Variants in COL19A1 observed in about 807,000 individuals in gnomAD.
COL19A1 encodes collagen alpha-1(XIX) chain.
In COL19A1, 159 loss-of-function variants were observed where a neutral mutation model predicts 190.2. The ratio of observed to expected loss-of-function variants is 0.84; its 90% CI spans 0.73 to 0.95. COL19A1 has a LOEUF of 0.95. Ranked by LOEUF, COL19A1 falls within the 40% of genes least tolerant of loss-of-function variation. The pLI, the probability that COL19A1 is intolerant of heterozygous loss-of-function variation, is 0.00. For synonymous variants in COL19A1, 509 were observed against 458.9 expected (o/e 1.11, Z -1.39); for missense variants, 1,418 against 1,431.9 (o/e 0.99, Z 0.16).
intron 31 of COL19A1, among the ~76,000 whole-genome samples, chr6:70,155,448 G>A (rs924886757): frequency 6.6e-6 from 1 of 152,102 alleles, no homozygotes; most frequent in Non-Finnish European, 1.5e-5. Flanking sequence ...TGAGAGTTAT[G>A]TTTATCTTAT....
chr6:69,966,151 G>C lies in COL19A1; in HGVS notation c.1026+3281G>C, dbSNP rs1032627990. Among the ~76,000 whole-genome samples the C allele has an allele frequency of 3.3e-5, 5 of 152,238 alleles. No individual in the cohort carries two copies. The East Asian group carries it at 5.8e-4, about 18-fold the overall frequency. On this transcript the variant is annotated intron_variant, in intron 11 of 50. Transcript: ENST00000620364. The stretch of plus-strand genomic sequence containing the variant: ...TTACATTAGAAGCCGTCCGGGAGGT[G>C]GGGGGCAGCCCCCGCCCGGCCAGCT...
At chr6:69,948,431 C>A (rs1773945116) in intron 9 of COL19A1, among the ~76,000 whole-genome samples, 1 of 151,656 alleles carries the variant, frequency 6.6e-6, no homozygotes, top group East Asian at 1.9e-4. Context: ...TGTATGACAA[C>A]CAGGTGCAAA....
chr6:69,909,810 C>T (rs1471974402), intron 4 of COL19A1, among the ~76,000 whole-genome samples: 1 of 152,098 alleles, frequency 6.6e-6, no homozygotes, highest in Non-Finnish European at 1.5e-5. Flanking sequence ...TGAAAGTCTA[C>T]GGTCATTCAA....
chr6:70,163,300 T>G, intron 35 of COL19A1, 43 bp from the exon 36 acceptor site: 1 of 1,586,430 alleles, frequency 6.3e-7, no homozygotes, highest in Non-Finnish European at 8.6e-7. Context: ...CTTTGGCCAT[T>G]TAATTGTTGT....
At chr6:70,158,621 G>A (rs1307509680) in intron 34 of COL19A1, among the ~76,000 whole-genome samples, 1 of 152,084 alleles carries the variant, frequency 6.6e-6, no homozygotes, top group East Asian at 1.9e-4. Flanking sequence ...ACCTTTGATG[G>A]AGTGATTTCT....
At chr6:69,902,638 T>A (rs1770263230) in intron 4 of COL19A1, among the ~76,000 whole-genome samples, 2 of 152,180 alleles carry the variant, frequency 1.3e-5, no homozygotes, top group African/African-American at 4.8e-5. Flanking sequence ...CCTTATCAGT[T>A]GCCCATGGTT....
intron 9 of COL19A1, among the ~76,000 whole-genome samples, chr6:69,946,121 C>CT (rs1773778950): frequency 6.6e-6 from 1 of 151,820 alleles, no homozygotes; most frequent in Admixed American, 6.6e-5. Flanking sequence ...TCTGAAATTT[C>CT]CTGACCTACT....
In COL19A1 at chr6:70,190,302, T is replaced by G; in HGVS notation, c.3028-13T>G. On this transcript the variant is annotated splice_polypyrimidine_tract_variant and intron_variant, in intron 47 of 50. Transcript: ENST00000620364. Reference sequence around the variant, plus strand: ...ATGCTCTATTTTAACAACCTTTTTTTTTCCTTCTTCAGGCTGATGCAGTTT... The same window carrying G: ...ATGCTCTATTTTAACAACCTTTTTTGTTCCTTCTTCAGGCTGATGCAGTTT... 1 of 1,588,514 alleles carries G rather than the reference T, an allele frequency of 6.3e-7. No homozygotes were observed. Among genetic ancestry groups the G allele is most frequent in the Non-Finnish European group, 8.6e-7 (1 of 1,160,024 alleles).
chr6:70,001,298 A>G (rs1777249993), intron 11 of COL19A1, among the ~76,000 whole-genome samples: 1 of 152,176 alleles, frequency 6.6e-6, no homozygotes, highest in Non-Finnish European at 1.5e-5. Flanking sequence ...GAAGTCAGGT[A>G]GCGTGATGCC....
At position 70,207,161 on chromosome 6, in the gene COL19A1, G is replaced by T; in HGVS notation, c.3316G>T (p.Gly1106Cys). The T allele has an allele frequency of 6.2e-7, 1 of 1,613,362 alleles. No individual in the cohort carries two copies. The highest frequency in any genetic ancestry group is 8.5e-7 in the Non-Finnish European group (1 of 1,179,774). Reference protein sequence around the residue: ...LPGTSALGLPGSPGAPGPQGP... With the variant: ...LPGTSALGLPCSPGAPGPQGP... ...TATGTCGTTAGCTCTGGGTTTGCCA[G>T]GCTCACCAGGTGCCCCAGGCCCACA... Residue 1106 changes from glycine to cysteine, a missense_variant, in exon 51 of 51, where the codon GGC becomes TGC. Transcript: ENST00000620364.
intron 1 of COL19A1, among the ~76,000 whole-genome samples, chr6:69,878,492 C>A (rs985366051): frequency 2.6e-5 from 4 of 152,046 alleles, no homozygotes; most frequent in Non-Finnish European, 5.9e-5. Flanking sequence ...GGATTACAGG[C>A]ATGAGCCACC....
At chr6:69,937,153 G>A (rs1773165401) in intron 8 of COL19A1, among the ~76,000 whole-genome samples, 1 of 152,136 alleles carries the variant, frequency 6.6e-6, no homozygotes, top group Non-Finnish European at 1.5e-5. Context: ...ATAGAAAAGT[G>A]AAGGGAGGAA....
intron 4 of COL19A1, among the ~76,000 whole-genome samples, chr6:69,926,346 TTGTC>T (rs1364522284): frequency 1.3e-5 from 2 of 152,250 alleles, no homozygotes; most frequent in African/African-American, 2.4e-5. Context: ...AACAATAACT[TTGTC>T]TGCTATTTTA....
Position 70,211,474 on chromosome 6 carries a change from A to AT in COL19A1, c.*4201dup, listed in dbSNP as rs1768204261. 6.6e-6 allele frequency among the ~76,000 whole-genome samples: 1 copy of AT among 150,794 alleles called. No homozygotes were observed. The highest frequency in any genetic ancestry group is 2.4e-5 in the African/African-American group (1 of 40,920). ...TTGAGTGTTGACACATTTTTGTACC[A>AT]TCCCCCTTTTGTACCATCTCTGCTC... is the stretch of plus-strand genomic sequence containing the variant. On this transcript the variant is annotated 3_prime_UTR_variant, in exon 51 of 51. Coordinates refer to ENST00000620364, the MANE Select transcript of COL19A1 (RefSeq NM_001858.6).
At chr6:70,152,309 T>C (rs1008157648) in intron 31 of COL19A1, among the ~76,000 whole-genome samples, 1 of 152,152 alleles carries the variant, frequency 6.6e-6, no homozygotes, top group Non-Finnish European at 1.5e-5. Flanking sequence ...TTTAGCCCAG[T>C]GATTTACACA....
intron 11 of COL19A1, among the ~76,000 whole-genome samples, chr6:69,967,081 T>A (rs1378862086): frequency 1.3e-5 from 2 of 152,234 alleles, no homozygotes; most frequent in African/African-American, 2.4e-5. Flanking sequence ...TTCTCAAAGT[T>A]AAACTTAACT....
intron 11 of COL19A1, among the ~76,000 whole-genome samples, chr6:69,992,652 A>G (rs986587020): frequency 1.3e-5 from 2 of 151,752 alleles, no homozygotes; most frequent in African/African-American, 4.8e-5. Flanking sequence ...GGTAATTCTC[A>G]TTGTAGAGAT....
intron 4 of COL19A1, among the ~76,000 whole-genome samples, chr6:69,918,390 C>G (rs1771451138): frequency 6.6e-6 from 1 of 152,098 alleles, no homozygotes; most frequent in East Asian, 1.9e-4. Flanking sequence ...GAGTCAAGAT[C>G]TGTTTTGGTG....
At chr6:70,087,986 G>A (rs2150171734) in intron 15 of COL19A1, among the ~76,000 whole-genome samples, 1 of 152,300 alleles carries the variant, frequency 6.6e-6, no homozygotes, top group South Asian at 2.1e-4. Flanking sequence ...TGCCAAGAAT[G>A]TAATTGATCA....
Sources: gnomAD v4.1 joint callset for allele counts (sites outside exome capture counted in the v4.1 genomes callset) on GRCh38, gnomAD v4.1.1 for gene constraint, MANE v1.5 for transcripts, NCBI Gene and HGNC (gene_info 2026-07-23, HGNC 2026-07-21) for gene names.